MYEF2: variants seen among roughly 807,000 people sequenced by gnomAD.
The protein encoded by MYEF2 is myelin expression factor 2, also known as myelin gene expression factor 2.
In MYEF2, 37 loss-of-function variants were observed where a neutral mutation model predicts 75.2. That is an observed-to-expected ratio of 0.49 (90% confidence interval 0.38 to 0.65). The LOEUF is 0.65. Ranked by LOEUF, MYEF2 falls within the 30% of genes least tolerant of loss-of-function variation. The pLI is 0.00. For synonymous variants in MYEF2, 195 were observed against 241.6 expected, an observed-to-expected ratio of 0.81 and a Z score of 1.79; for missense variants, 634 against 771.4, an observed-to-expected ratio of 0.82 and a Z score of 2.11.
In MYEF2 at chr15:48,142,310, G is replaced by C; in HGVS notation, c.*598C>G. ...TACATTATCAGTTCTATATGAACTT[G>C]GAATTATTGGAAATAATAAAATAAG... is the stretch of plus-strand genomic sequence containing the variant. On this transcript the variant is annotated 3_prime_UTR_variant, in exon 17 of 17. Coordinates refer to ENST00000324324, the MANE Select transcript of MYEF2 (RefSeq NM_016132.5). 6.2e-7 allele frequency: 1 copy of C among 1,609,174 alleles called. No homozygotes were observed. The highest frequency in any genetic ancestry group is 1.1e-5 in the South Asian group (1 of 90,444).
rs2038900790 is a variant in MYEF2, at chr15:48,136,429, A to G, written c.*6479T>C. 3.0e-6 allele frequency: 1 copy of G among 327,898 alleles called. No individual in the cohort carries two copies. The highest frequency in any genetic ancestry group is 4.9e-5 in the East Asian group (1 of 20,560). The allele number at this position is 327,898 out of a possible 1,614,324, so 20.3% of individuals were successfully genotyped here. On this transcript the variant is annotated 3_prime_UTR_variant, in exon 17 of 17. Transcript: ENST00000324324. ...TATACCTATCATTTGGAAGGAATCT[A>G]CAAGTAAAAACGAGTTTGTTGATCT...
At chr15:48,143,199 A>T in intron 16 of MYEF2, 128 bp from the exon 17 acceptor site, 2 of 493,972 alleles carry the variant, frequency 4.0e-6, no homozygotes, top group Non-Finnish European at 6.4e-6. Context: ...TTTAAAATAA[A>T]TAATATAAGC....
rs1203029434 is a variant in MYEF2 at position 48,139,562 on chromosome 15, G to C, written c.*3346C>G. 1.3e-5 allele frequency: 2 copies of C among 155,016 alleles called. No homozygotes were observed. Among genetic ancestry groups the C allele is most frequent in the African/African-American group, 4.9e-5 (2 of 41,072 alleles). The allele number at this position is 155,016 out of a possible 1,614,324, so 9.6% of individuals were successfully genotyped here. On this transcript the variant is annotated 3_prime_UTR_variant, in exon 17 of 17. Coordinates refer to ENST00000324324, the MANE Select transcript of MYEF2 (RefSeq NM_016132.5). ...CAAAAAAACAAAAACAAAGCAAGGA[G>C]CTCTATTTTTGGGAAAACAATGGGT...
At chr15:48,159,880 C>A in intron 5 of MYEF2, 76 bp from the exon 6 acceptor site, 2 of 1,398,224 alleles carry the variant, frequency 1.4e-6, no homozygotes. Context: ...AATTTAAATT[C>A]TACAGTAGCT....
rs929858461 is a variant in MYEF2 at position 48,143,447 on chromosome 15, G to A, written c.1640-376C>T. On this transcript the variant is annotated intron_variant, in intron 16 of 16. Coordinates refer to ENST00000324324, the MANE Select transcript of MYEF2 (RefSeq NM_016132.5). ...AACAAAATTATTTTTAGAATAAACG[G>A]TTGCTTACTGCTCAGTCTCCCTAAT... Among the ~76,000 whole-genome samples, 5 of 151,998 alleles carry A rather than the reference G, an allele frequency of 3.3e-5. No homozygotes were observed. In the East Asian group the frequency reaches 7.7e-4, roughly 23 times the overall value.
chr15:48,142,038 A>G lies in MYEF2; in HGVS notation c.*870T>C, dbSNP rs1180047061. 6.2e-7 allele frequency: 1 copy of G among 1,608,496 alleles called. No individual in the cohort carries two copies. Among genetic ancestry groups the G allele is most frequent in the Non-Finnish European group, 8.5e-7 (1 of 1,176,448 alleles). On this transcript the variant is annotated 3_prime_UTR_variant, in exon 17 of 17. Coordinates refer to ENST00000324324, the MANE Select transcript of MYEF2 (RefSeq NM_016132.5). ...TGCTTTTCTTTTGTAGGGAAAGGAG[A>G]TATGGCTATGTCTAACATCGTGGGA...
chr15:48,142,896 C>T lies in MYEF2; in HGVS notation c.*12G>A. 2 of 1,585,316 alleles carry T rather than the reference C, an allele frequency of 1.3e-6. No individual in the cohort carries two copies. The highest frequency in any genetic ancestry group is 1.7e-6 in the Non-Finnish European group (2 of 1,168,050). On this transcript the variant is annotated 3_prime_UTR_variant, in exon 17 of 17. Coordinates refer to ENST00000324324, the MANE Select transcript of MYEF2 (RefSeq NM_016132.5). ...AAAACAGATGTAGGAATGTTCCAAC[C>T]ATGGCTTGAAATTATGCATTACGAT...
chr15:48,156,305 C>T (rs1298641453), intron 9 of MYEF2, among the ~76,000 whole-genome samples: 2 of 151,832 alleles, frequency 1.3e-5, no homozygotes, highest in Non-Finnish European at 2.9e-5. Flanking sequence ...TACAAAACAT[C>T]CAAATTCAGT....
intron 7 of MYEF2, 24 bp from the exon 8 acceptor site, chr15:48,158,248 C>A: frequency 1.2e-6 from 2 of 1,608,946 alleles, no homozygotes; most frequent in South Asian, 2.2e-5. Flanking sequence ...CAAGGAAAGT[C>A]AGTTAAGATA....
At chr15:48,162,406 A>G (rs2039974829) in intron 5 of MYEF2, among the ~76,000 whole-genome samples, 1 of 152,124 alleles carries the variant, frequency 6.6e-6, no homozygotes, top group African/African-American at 2.4e-5. Flanking sequence ...TGCTATCATT[A>G]CTCCCATCTT....
intron 2 of MYEF2, 67 bp downstream of exon 2, chr15:48,168,564 T>G: frequency 7.9e-7 from 1 of 1,270,576 alleles, no homozygotes; most frequent in Non-Finnish European, 1.1e-6. Flanking sequence ...AATAAAAATG[T>G]TTGTGTAGTT....
At position 48,142,886 on chromosome 15, in the gene MYEF2, A is replaced by T. The variant is rs1294382078; in HGVS notation, c.*22T>A. ...GAGATTCAGCAAAACAGATGTAGGAATGTTCCAACCATGGCTTGAAATTAT... is the reference window on the plus strand; with the variant it reads ...GAGATTCAGCAAAACAGATGTAGGATTGTTCCAACCATGGCTTGAAATTAT... On this transcript the variant is annotated 3_prime_UTR_variant, in exon 17 of 17. Coordinates refer to ENST00000324324, the MANE Select transcript of MYEF2 (RefSeq NM_016132.5). 1 of 1,580,486 alleles carries T rather than the reference A, an allele frequency of 6.3e-7. No individual in the cohort carries two copies. The highest frequency in any genetic ancestry group is 1.4e-5 in the African/African-American group (1 of 72,388).
At chr15:48,158,346 A>G in intron 7 of MYEF2, 122 bp from the exon 8 acceptor site, 1 of 847,896 alleles carries the variant, frequency 1.2e-6, no homozygotes, top group Non-Finnish European at 1.8e-6. Context: ...TTTAATACTT[A>G]TTGATATTAG....
At chr15:48,163,243 A>T (rs755346721) in intron 5 of MYEF2, among the ~76,000 whole-genome samples, 2 of 152,216 alleles carry the variant, frequency 1.3e-5, no homozygotes, top group East Asian at 3.9e-4. Context: ...TTCTTGAACT[A>T]TTAAGATACT....
At chr15:48,176,431 C>T (rs1413402263) in intron 1 of MYEF2, among the ~76,000 whole-genome samples, 1 of 152,090 alleles carries the variant, frequency 6.6e-6, no homozygotes, top group Non-Finnish European at 1.5e-5. Flanking sequence ...AATATTTCTT[C>T]ATTTCTTCAC....
At chr15:48,146,215 C>G (rs2039278215) in intron 16 of MYEF2, among the ~76,000 whole-genome samples, 1 of 151,892 alleles carries the variant, frequency 6.6e-6, no homozygotes, top group South Asian at 2.1e-4. Context: ...CCTATTAGCA[C>G]AAGCTGAAAT....
Position 48,143,020 on chromosome 15 carries a change from C to T in MYEF2, c.1691G>A (p.Cys564Tyr), listed in dbSNP as rs1355326307. 10 of 1,597,528 alleles carry T rather than the reference C, an allele frequency of 6.3e-6. No homozygotes were observed. The Admixed American group carries it at 1.6e-4, about 25-fold the overall frequency. ...TGGGGAGTCAAATCTGACTGTTCCA[C>T]AGCCTTTTGACTTTCCATTCTCCAT... ...IKMENGKSKG[C>Y]GTVRFDSPES... The change falls in exon 17 of 17, where the codon TGT becomes TAT. Residue 564 changes from cysteine to tyrosine, a missense_variant. Coordinates refer to ENST00000324324, the MANE Select transcript of MYEF2 (RefSeq NM_016132.5).
chr15:48,172,059 A>G (rs187524934), intron 1 of MYEF2, among the ~76,000 whole-genome samples: 83 of 152,322 alleles, frequency 5.4e-4, no homozygotes, highest in African/African-American at 2.0e-3. Context: ...GTTCCAGAGG[A>G]AAACTACCAG....
intron 14 of MYEF2, among the ~76,000 whole-genome samples, chr15:48,150,508 C>T (rs543310651): frequency 6.6e-6 from 1 of 151,898 alleles, no homozygotes; most frequent in East Asian, 1.9e-4. Flanking sequence ...AATAAATAAT[C>T]CATGTATTCA....
Sources: gnomAD v4.1 joint callset for allele counts (sites outside exome capture counted in the v4.1 genomes callset) on GRCh38, gnomAD v4.1.1 for gene constraint, MANE v1.5 for transcripts, NCBI Gene and HGNC (gene_info 2026-07-23, HGNC 2026-07-21) for gene names.